Variants in BIRC6 observed in about 807,000 individuals in gnomAD.
The protein encoded by BIRC6 is baculoviral IAP repeat containing 6.
In BIRC6, 98 loss-of-function variants were observed where a neutral mutation model predicts 503.3. The ratio of observed to expected loss-of-function variants is 0.19; its 90% CI spans 0.17 to 0.23. The LOEUF is 0.23. BIRC6 is among the 10% of genes least tolerant of loss of function. The pLI, the probability that BIRC6 is intolerant of heterozygous loss-of-function variation, is 1.00. For missense variants in BIRC6, 5,360 were observed against 5,806.0 expected (o/e 0.92, Z 2.50); for synonymous variants, 2,240 against 2,078.7 (o/e 1.08, Z -2.11).
rs1372740636 is a variant in BIRC6 at position 32,540,858 on chromosome 2, C to G, written c.12292-2383C>G. Among the ~76,000 whole-genome samples the G allele has an allele frequency of 3.3e-5, 5 of 151,804 alleles. No homozygotes were observed. In the East Asian group the frequency reaches 9.6e-4, roughly 29 times the overall value. On this transcript the variant is annotated intron_variant, in intron 61 of 73. Transcript: ENST00000421745. ...TAGCATTTTTATTTCCAGTTGTTAG[C>G]TATAATGAAAAAAGTTGTGAAGAAT...
chr2:32,421,112 C>CTT (rs779700746), intron 10 of BIRC6, among the ~76,000 whole-genome samples: 24 of 132,298 alleles, frequency 1.8e-4, no homozygotes, highest in African/African-American at 3.9e-4. Flanking sequence ...TTCTTTCTTT[C>CTT]TTTTTTTTTT....
At chr2:32,450,953 G>C (rs1057095779) in intron 22 of BIRC6, among the ~76,000 whole-genome samples, 2 of 152,048 alleles carry the variant, frequency 1.3e-5, no homozygotes, top group Non-Finnish European at 2.9e-5. Context: ...AATATTTTCT[G>C]TCTGTAGTTG....
Position 32,505,017 on chromosome 2 carries a change from C to T in BIRC6, c.9512C>T (p.Ser3171Phe). The change falls in exon 50 of 74, where the codon TCT becomes TTT. Residue 3171 changes from serine (S) to phenylalanine (F), a missense_variant. By Grantham distance (155) the Ser-to-Phe change is radical (BLOSUM62 -2). Around this residue, in one of 16 missense-constraint regions of BIRC6, gnomAD observed 267 missense variants for 287.6 expected, o/e 0.93. Coordinates refer to ENST00000421745, the MANE Select transcript of BIRC6 (RefSeq NM_016252.4). ...HNFAPLGTITSSSPTAQPAEV... is the reference protein window; with the variant it reads ...HNFAPLGTITFSSPTAQPAEV... ...ATATCTTCTCTAGGTACAATCACAT[C>T]TAGCAGTCCTACTGCCCAACCAGCT... is the stretch of plus-strand genomic sequence containing the variant. The T allele has an allele frequency of 1.2e-6, 2 of 1,613,274 alleles. No individual in the cohort carries two copies. Among genetic ancestry groups the T allele is most frequent in the Non-Finnish European group, 1.7e-6 (2 of 1,179,416 alleles).
intron 59 of BIRC6, chr2:32,529,327 A>G (rs1445671097): frequency 2.3e-5 from 5 of 215,044 alleles, no homozygotes; most frequent in Non-Finnish European, 4.6e-5. Context: ...CAGAGACTAT[A>G]TGGCCCCCCC....
chr2:32,467,479 G>C, intron 26 of BIRC6, 46 bp from the exon 27 acceptor site: 1 of 1,434,670 alleles, frequency 7.0e-7, no homozygotes, highest in Non-Finnish European at 9.8e-7. Context: ...GTATCATTTG[G>C]TTAATTGATA....
intron 46 of BIRC6, among the ~76,000 whole-genome samples, chr2:32,500,568 T>G (rs1399801539): frequency 6.6e-6 from 1 of 150,894 alleles, no homozygotes. Flanking sequence ...CAGGCGTGTG[T>G]GCCACCATGC....
chr2:32,491,601 A>T, intron 44 of BIRC6, 43 bp downstream of exon 44: 1 of 1,583,032 alleles, frequency 6.3e-7, no homozygotes, highest in East Asian at 2.2e-5. Context: ...ACTATTCAAT[A>T]AACAGTATTC....
In BIRC6 at chr2:32,531,491, G is replaced by A. The variant is rs2056750659; in HGVS notation, c.12231G>A (p.Met4077Ile). 19 of 1,613,638 alleles carry A rather than the reference G, an allele frequency of 1.2e-5. No homozygotes were observed. The highest frequency in any genetic ancestry group is 1.7e-5 in the Admixed American group (1 of 59,972). Reference sequence around the variant, plus strand: ...CACCATTACAAGTTTTTGCAGGAATGGGTGGACTGGCTCTTATTGCTGAAA... The same window carrying A: ...CACCATTACAAGTTTTTGCAGGAATAGGTGGACTGGCTCTTATTGCTGAAA... ...IQSPLQVFAGMGGLALIAERL... is the reference protein window; with the variant it reads ...IQSPLQVFAGIGGLALIAERL... Residue 4077 changes from methionine to isoleucine, a missense_variant, in exon 61 of 74, where the codon ATG (methionine) becomes ATA (isoleucine). Met to Ile is a conservative substitution (Grantham distance 10, BLOSUM62 1). This residue lies in a region of BIRC6 where 878 missense variants were observed against 928.9 expected (regional missense o/e 0.95). Coordinates refer to ENST00000421745, the MANE Select transcript of BIRC6 (RefSeq NM_016252.4).
intron 10 of BIRC6, among the ~76,000 whole-genome samples, chr2:32,423,598 T>G (rs2043167205): frequency 6.6e-6 from 1 of 152,206 alleles, no homozygotes; most frequent in Non-Finnish European, 1.5e-5. Context: ...TTTTTTATGT[T>G]TTTAATGCTC....
In BIRC6 at chr2:32,611,560, C is replaced by A; in HGVS notation, c.14372C>A (p.Ser4791Tyr). Residue 4791 changes from serine (S) to tyrosine (Y), a missense_variant, in exon 73 of 74, where the codon TCT (serine) becomes TAT (tyrosine). Transcript: ENST00000421745. ...GATAAGCGGGTAGGCAGGACTATGT[C>A]TCACCATGCAGCAGCTCTCAAGGTG... The part of the protein sequence containing the change: ...SSDKRVGRTM[S>Y]HHAAALKRHT... 1 of 1,591,368 alleles carries A rather than the reference C, an allele frequency of 6.3e-7. No homozygotes were observed. Among genetic ancestry groups the A allele is most frequent in the Non-Finnish European group, 8.6e-7 (1 of 1,166,518 alleles).
At chr2:32,445,776 C>T in intron 21 of BIRC6, 108 bp downstream of exon 21, 1 of 851,180 alleles carries the variant, frequency 1.2e-6, no homozygotes, top group Non-Finnish European at 1.6e-6. Context: ...CTTTTTCTTA[C>T]AAAAATGTTT....
intron 45 of BIRC6, among the ~76,000 whole-genome samples, chr2:32,494,952 C>G (rs2149379067): frequency 6.6e-6 from 1 of 152,224 alleles, no homozygotes; most frequent in Admixed American, 6.5e-5. Flanking sequence ...TCAGTAGTGA[C>G]TATTGCCACT....
rs1052041925 is a variant in BIRC6 at position 32,486,138 on chromosome 2, T to C, written c.7813+379T>C. 2.0e-5 allele frequency among the ~76,000 whole-genome samples: 3 copies of C among 152,212 alleles called. No individual in the cohort carries two copies. The East Asian group carries it at 5.8e-4, about 29-fold the overall frequency. On this transcript the variant is annotated intron_variant, in intron 40 of 73. Coordinates refer to ENST00000421745, the MANE Select transcript of BIRC6 (RefSeq NM_016252.4). ...TTTTGTAGTAACATCTTTATCATCCTTAAAGACTAGGATAGAGAATATAGT... is the reference window on the plus strand; with the variant it reads ...TTTTGTAGTAACATCTTTATCATCCCTAAAGACTAGGATAGAGAATATAGT...
chr2:32,391,950 C>T lies in BIRC6; in HGVS notation c.840-89C>T, dbSNP rs1026964908. 3.1e-5 allele frequency: 26 copies of T among 829,042 alleles called. No individual in the cohort carries two copies. The African/African-American group carries it at 4.3e-4, about 14-fold the overall frequency. The allele number at this position is 829,042 out of a possible 1,614,324, so 51.4% of individuals were successfully genotyped here. ...ACCATTTGCAGTTTTTGCTGATAAC[C>T]CAGTAAAATTATTTTTTGCATTGTT... On this transcript the variant is annotated intron_variant, in intron 4 of 73. Coordinates refer to ENST00000421745, the MANE Select transcript of BIRC6 (RefSeq NM_016252.4).
chr2:32,384,840 GTA>G (rs1262269029), intron 3 of BIRC6, among the ~76,000 whole-genome samples: 1 of 152,190 alleles, frequency 6.6e-6, no homozygotes, highest in East Asian at 1.9e-4. Flanking sequence ...TATATAATGT[GTA>G]TAACTTCTCC....
intron 57 of BIRC6, among the ~76,000 whole-genome samples, chr2:32,524,326 T>A (rs916802070): frequency 4.6e-5 from 7 of 152,212 alleles, no homozygotes; most frequent in African/African-American, 1.7e-4. Flanking sequence ...CCTGTTTTTG[T>A]CCTAAATAAA....
chr2:32,464,590 T>G lies in BIRC6; in HGVS notation c.5023T>G (p.Ser1675Ala). 2 of 1,612,706 alleles carry G rather than the reference T, an allele frequency of 1.2e-6. No homozygotes were observed. Among genetic ancestry groups the G allele is most frequent in the Middle Eastern group, 1.6e-4 (1 of 6,062 alleles). ...ATCAGCAGTAGGTCCTGTTCACAAC[T>G]CTGTGCCTTCCAACCCAGTGGCTGC... is the stretch of plus-strand genomic sequence containing the variant. ...AASAVGPVHN[S>A]VPSNPVAAPG... The change falls in exon 25 of 74, where the codon TCT becomes GCT. Residue 1675 changes from serine (S) to alanine (A), a missense_variant. By Grantham distance (99) the Ser-to-Ala change is moderately conservative. This residue lies in a region of BIRC6 where 2,299 missense variants were observed against 2,267.2 expected (regional missense o/e 1.01). Transcript: ENST00000421745.
chr2:32,406,415 C>G, intron 8 of BIRC6, 84 bp from the exon 9 acceptor site: 1 of 1,053,212 alleles, frequency 9.5e-7, no homozygotes, highest in East Asian at 2.4e-5. Flanking sequence ...ACCCACAAAA[C>G]CAACTGTTCT....
rs137920204 is a variant in BIRC6 at position 32,388,705 on chromosome 2, C to T, written c.646-45C>T. The T allele has an allele frequency of 6.5e-5, 89 of 1,372,616 alleles. No individual in the cohort carries two copies. The African/African-American group carries it at 9.3e-4, about 14-fold the overall frequency. 85.0% of individuals were successfully genotyped at this position (1,372,616 alleles called of 1,614,324 possible). On this transcript the variant is annotated intron_variant, in intron 3 of 73. Transcript: ENST00000421745. ...GGTTAAGTTATGATTTTGGTTAAAACTGTTGAGTACATTTTCCTTTGCTTA... is the reference window on the plus strand; with the variant it reads ...GGTTAAGTTATGATTTTGGTTAAAATTGTTGAGTACATTTTCCTTTGCTTA...
Sources: gnomAD v4.1 joint callset for allele counts (sites outside exome capture counted in the v4.1 genomes callset) on GRCh38, gnomAD v4.1.1 for gene constraint, gnomAD v4.1.1 regional missense constraint, MANE v1.5 for transcripts, NCBI Gene and HGNC (gene_info 2026-07-23, HGNC 2026-07-21) for gene names.